The following FAM53B variants were observed in gnomAD, a reference collection of about 807,000 sequenced individuals.
FAM53B encodes family with sequence similarity 53 member B.
A neutral mutation model predicts 32.7 loss-of-function variants in FAM53B; 12 were observed. The observed-to-expected ratio is 0.37, with a 90% confidence interval of 0.24 to 0.59. The LOEUF (loss-of-function observed/expected upper bound fraction) is 0.59, where lower values mean the gene tolerates loss of function less well. Ranked by LOEUF, FAM53B falls within the 20% of genes least tolerant of loss-of-function variation. The pLI is 0.72. For synonymous variants in FAM53B, 234 were observed against 228.7 expected, an observed-to-expected ratio of 1.02 and a Z score of -0.21; for missense variants, 477 against 577.7, an observed-to-expected ratio of 0.83 and a Z score of 1.79.
intron 4 of FAM53B, among the ~76,000 whole-genome samples, chr10:124,676,519 G>C (rs1172083627): frequency 2.6e-5 from 4 of 152,210 alleles, no homozygotes; most frequent in Non-Finnish European, 5.9e-5. Flanking sequence ...GGGGGTGCCA[G>C]CGCAAGAAGT....
intron 4 of FAM53B, among the ~76,000 whole-genome samples, chr10:124,650,953 C>T (rs545821701): frequency 2.7e-5 from 4 of 150,942 alleles, no homozygotes; most frequent in African/African-American, 4.8e-5. Flanking sequence ...AAAAGAAATG[C>T]GAGGACTCAC....
intron 4 of FAM53B, among the ~76,000 whole-genome samples, chr10:124,637,211 G>A (rs750520416): frequency 2.0e-5 from 3 of 152,144 alleles, no homozygotes; most frequent in Non-Finnish European, 4.4e-5. Flanking sequence ...CAGGGGCTGG[G>A]TCACCCTTGC....
intron 4 of FAM53B, among the ~76,000 whole-genome samples, chr10:124,632,511 A>G (rs1165558709): frequency 6.6e-6 from 1 of 152,150 alleles, no homozygotes; most frequent in Non-Finnish European, 1.5e-5. Flanking sequence ...GTGGCTTCTG[A>G]GCAGGACTAG....
chr10:124,684,742 C>T (rs1949792374), intron 3 of FAM53B, among the ~76,000 whole-genome samples: 1 of 152,184 alleles, frequency 6.6e-6, no homozygotes, highest in African/African-American at 2.4e-5. Context: ...TGGTCTCAAA[C>T]TCCTGGCCTC....
At chr10:124,678,232 G>A (rs79392740) in intron 4 of FAM53B, among the ~76,000 whole-genome samples, 4 of 152,162 alleles carry the variant, frequency 2.6e-5, no homozygotes, top group East Asian at 1.9e-4. Flanking sequence ...CAAGTCCTGC[G>A]ACTGTGACGA....
chr10:124,707,181 TAACA>T (rs1234113582), intron 1 of FAM53B, among the ~76,000 whole-genome samples: 2 of 152,150 alleles, frequency 1.3e-5, no homozygotes, highest in Non-Finnish European at 2.9e-5. Flanking sequence ...TCTGGGTGGC[TAACA>T]ATCTGCTGTC....
At chr10:124,723,094 C>T (rs1950079218) in intron 1 of FAM53B, among the ~76,000 whole-genome samples, 1 of 152,210 alleles carries the variant, frequency 6.6e-6, no homozygotes, top group African/African-American at 2.4e-5. Context: ...AGTCAGGTCA[C>T]GCCCTCTGCC....
chr10:124,670,349 A>G (rs1052914746), intron 4 of FAM53B, among the ~76,000 whole-genome samples: 2 of 152,160 alleles, frequency 1.3e-5, no homozygotes, highest in Non-Finnish European at 2.9e-5. Context: ...GAAGATAAGC[A>G]TAGCAGTCAG....
At chr10:124,657,038 ATATATATATATATGTATATATG>A (rs1421488364) in intron 4 of FAM53B, among the ~76,000 whole-genome samples, 2 of 142,842 alleles carry the variant, frequency 1.4e-5, no homozygotes, top group African/African-American at 5.2e-5. Context: ...TAAAGTATAA[ATATATATATATATGTATATATG>A]TATATATATA....
At chr10:124,743,125 T>G (rs1589771125) in intron 1 of FAM53B, among the ~76,000 whole-genome samples, 7 of 14,726 alleles carry the variant, frequency 4.8e-4, no homozygotes, top group Admixed American at 8.7e-4. Context: ...AAAATGGGGG[T>G]GGAGAGCTGG....
chr10:124,693,477 A>G (rs1173625923), intron 3 of FAM53B, among the ~76,000 whole-genome samples: 2 of 152,084 alleles, frequency 1.3e-5, no homozygotes, highest in South Asian at 2.1e-4. Flanking sequence ...AAAAAAAAAA[A>G]AAAAAGAAAA....
intron 3 of FAM53B, among the ~76,000 whole-genome samples, chr10:124,685,766 T>A (rs1185318236): frequency 1.3e-5 from 2 of 152,070 alleles, no homozygotes; most frequent in Admixed American, 6.5e-5. Context: ...ACACCATCCC[T>A]CCCATCTGCC....
intron 1 of FAM53B, among the ~76,000 whole-genome samples, chr10:124,735,766 C>T (rs1220873224): frequency 1.5e-5 from 2 of 131,628 alleles, no homozygotes; most frequent in African/African-American, 2.8e-5. Flanking sequence ...CTCAGGGCCC[C>T]GAACCTATGG....
intron 1 of FAM53B, among the ~76,000 whole-genome samples, chr10:124,716,335 T>C (rs1181483060): frequency 6.6e-6 from 1 of 152,190 alleles, no homozygotes; most frequent in Non-Finnish European, 1.5e-5. Flanking sequence ...GGCTCGCCTA[T>C]GTGTCTCCTT....
intron 1 of FAM53B, among the ~76,000 whole-genome samples, chr10:124,717,228 A>G (rs1950043027): frequency 6.6e-6 from 1 of 152,190 alleles, no homozygotes; most frequent in South Asian, 2.1e-4. Context: ...ATGCTGGGCC[A>G]GATAAGCTCC....
At chr10:124,726,756 C>A (rs1178102953) in intron 1 of FAM53B, among the ~76,000 whole-genome samples, 3 of 152,208 alleles carry the variant, frequency 2.0e-5, no homozygotes, top group Non-Finnish European at 2.9e-5. Context: ...ACGAAGAGAA[C>A]ACCTCAATTC....
intron 4 of FAM53B, among the ~76,000 whole-genome samples, chr10:124,632,113 C>T (rs749787124): frequency 9.8e-5 from 15 of 152,362 alleles, no homozygotes; most frequent in Non-Finnish European, 2.2e-4. Flanking sequence ...CACGCGTGTC[C>T]TCTGAATGGT....
intron 4 of FAM53B, among the ~76,000 whole-genome samples, chr10:124,635,108 T>C (rs1949420533): frequency 6.6e-6 from 1 of 151,982 alleles, no homozygotes; most frequent in African/African-American, 2.4e-5. Flanking sequence ...ATTTTTGTTT[T>C]TGGAGACAGA....
chr10:124,708,303 C>T (rs541729702), intron 1 of FAM53B, among the ~76,000 whole-genome samples: 1 of 152,312 alleles, frequency 6.6e-6, no homozygotes, highest in South Asian at 2.1e-4. Flanking sequence ...GTGGGTGTTA[C>T]TGAAATTGCT....
Sources: gnomAD v4.1 joint callset for allele counts (sites outside exome capture counted in the v4.1 genomes callset) on GRCh38, gnomAD v4.1.1 for gene constraint, MANE v1.5 for transcripts, NCBI Gene and HGNC (gene_info 2026-07-23, HGNC 2026-07-21) for gene names.